C8A: variants seen among roughly 807,000 people sequenced by gnomAD.
C8A encodes complement C8 alpha chain, also known as complement component C8 alpha chain.
In C8A, 67 loss-of-function variants were observed where a neutral mutation model predicts 65.3. The ratio of observed to expected loss-of-function variants is 1.03; its 90% CI spans 0.84 to 1.26. The LOEUF (loss-of-function observed/expected upper bound fraction) is 1.26. Ranked by LOEUF, C8A falls within the 50% of genes most tolerant of loss-of-function variation. The probability of loss-of-function intolerance (pLI) is 0.00; values close to 1 mark genes in which losing one functional copy is unlikely to be tolerated. For synonymous variants in C8A, 290 were observed against 259.4 expected (o/e 1.12, Z -1.13); for missense variants, 781 against 723.9 (o/e 1.08, Z -0.90).
At chr1:56,867,751 AT>A in intron 2 of C8A, 49 bp downstream of exon 2, 1 of 1,346,450 alleles carries the variant, frequency 7.4e-7, no homozygotes, top group Non-Finnish European at 1.1e-6. Context: ...TGATATGTGT[AT>A]TAGGCATTCA....
intron 7 of C8A, among the ~76,000 whole-genome samples, chr1:56,894,777 T>C (rs6699859): frequency 0.75 from 113,580 of 152,046 alleles, 43,252 homozygotes; most frequent in East Asian, 1. Context: ...GATACCAAGA[T>C]GCTTAATACA....
intron 7 of C8A, among the ~76,000 whole-genome samples, chr1:56,897,004 A>C (rs1223853630): frequency 2.6e-5 from 4 of 152,210 alleles, no homozygotes; most frequent in Non-Finnish European, 5.9e-5. Context: ...CCAAGGTGAC[A>C]CAGCTGGTCA....
intron 7 of C8A, among the ~76,000 whole-genome samples, chr1:56,903,683 C>A (rs547123898): frequency 6.6e-5 from 10 of 152,264 alleles, no homozygotes; most frequent in Non-Finnish European, 1.5e-4. Flanking sequence ...AGACAGGATG[C>A]CAGAGTCCTG....
Position 56,861,160 on chromosome 1 carries a change from T to A in C8A, c.77+6182T>A, listed in dbSNP as rs144461998. On this transcript the variant is annotated intron_variant, in intron 1 of 10. Coordinates refer to ENST00000361249, the MANE Select transcript of C8A (RefSeq NM_000562.3). ...TGTGTTTTATTGAGCACCTATTATATGCCAGGTACTGTTCTGGGCCCTGGG... is the reference window on the plus strand; with the variant it reads ...TGTGTTTTATTGAGCACCTATTATAAGCCAGGTACTGTTCTGGGCCCTGGG... Among the ~76,000 whole-genome samples, 1,285 of 152,312 alleles carry A rather than the reference T, an allele frequency of 8.4e-3. 11 individuals are homozygous for A. The highest frequency in any genetic ancestry group is 0.023 in the African/African-American group (936 of 41,562).
chr1:56,870,325 A>G (rs916949001), intron 2 of C8A, among the ~76,000 whole-genome samples: 1 of 152,114 alleles, frequency 6.6e-6, no homozygotes, highest in Non-Finnish European at 1.5e-5. Context: ...AAAAACTGCA[A>G]TTACTTTTGC....
intron 7 of C8A, among the ~76,000 whole-genome samples, chr1:56,896,415 A>C (rs1482031848): frequency 6.6e-6 from 1 of 151,966 alleles, no homozygotes; most frequent in Non-Finnish European, 1.5e-5. Flanking sequence ...CAGGCTTGAG[A>C]CCCTGGAAGA....
At position 56,907,946 on chromosome 1, in the gene C8A, T is replaced by C. The variant is rs762552990; in HGVS notation, c.1223-10T>C. On this transcript the variant is annotated splice_polypyrimidine_tract_variant and intron_variant, in intron 8 of 10. Coordinates refer to ENST00000361249, the MANE Select transcript of C8A (RefSeq NM_000562.3). ...AAATGAGTTAATGCAGTTTATCCTC[T>C]TGATGGCAGAAAGGGCCAGGAAGGC... is the stretch of plus-strand genomic sequence containing the variant. 6.2e-7 allele frequency: 1 copy of C among 1,614,150 alleles called. No homozygotes were observed. Among genetic ancestry groups the C allele is most frequent in the Non-Finnish European group, 8.5e-7 (1 of 1,180,004 alleles).
At chr1:56,859,563 T>A (rs1379565807) in intron 1 of C8A, among the ~76,000 whole-genome samples, 1 of 152,222 alleles carries the variant, frequency 6.6e-6, no homozygotes, top group Non-Finnish European at 1.5e-5. Context: ...GCCCAGTACA[T>A]GCTTGGAACT....
intron 4 of C8A, among the ~76,000 whole-genome samples, chr1:56,876,587 G>T (rs1265012304): frequency 1.3e-5 from 2 of 151,884 alleles, no homozygotes; most frequent in African/African-American, 2.4e-5. Context: ...TTCCCAATCT[G>T]CTTTGCACTG....
intron 1 of C8A, among the ~76,000 whole-genome samples, chr1:56,862,643 A>G (rs566198419): frequency 1.3e-4 from 20 of 152,246 alleles, no homozygotes; most frequent in Middle Eastern, 3.4e-3. Context: ...TCTACAGACT[A>G]AAAAACTAAA....
At chr1:56,893,805 A>G (rs1014446090) in intron 7 of C8A, among the ~76,000 whole-genome samples, 1 of 152,140 alleles carries the variant, frequency 6.6e-6, no homozygotes, top group South Asian at 2.1e-4. Context: ...ATAAATTTCA[A>G]TTGCTGAAGT....
At chr1:56,860,610 A>G (rs913715130) in intron 1 of C8A, among the ~76,000 whole-genome samples, 91 of 152,166 alleles carry the variant, frequency 6.0e-4, no homozygotes, top group African/African-American at 2.1e-3. Context: ...CTTAAAAGAG[A>G]AAATGAAGAG....
In C8A at chr1:56,874,958, C is replaced by T. The variant is rs148302150; in HGVS notation, c.181C>T (p.Arg61Trp). 32 of 1,613,456 alleles carry T rather than the reference C, an allele frequency of 2.0e-5. No homozygotes were observed. The highest frequency in any genetic ancestry group is 1.7e-4 in the Middle Eastern group (1 of 6,054). Residue 61 changes from arginine to tryptophan, a missense_variant, in exon 3 of 11, where the codon CGG (arginine) becomes TGG (tryptophan). Transcript: ENST00000361249. The stretch of plus-strand genomic sequence containing the variant: ...TCAAAATCTGGTTTAGTACCGACAC[C>T]GGAGCCTCTTGCAGCCAAACAAGTT... Reference protein sequence around the residue: ...FPCQDKKYRHRSLLQPNKFGG... With the variant: ...FPCQDKKYRHWSLLQPNKFGG...
chr1:56,888,242 T>C (rs776927092), intron 7 of C8A, among the ~76,000 whole-genome samples: 2 of 152,200 alleles, frequency 1.3e-5, no homozygotes, highest in Non-Finnish European at 2.9e-5. Context: ...CAGGGGTTAA[T>C]ACATAGTGTT....
At chr1:56,907,828 A>C (rs1644477635) in intron 8 of C8A, 128 bp from the exon 9 acceptor site, 2 of 624,500 alleles carry the variant, frequency 3.2e-6, no homozygotes, top group African/African-American at 4.2e-5. Context: ...AACCAAGAAG[A>C]GAAGAAGAAT....
rs1281016352 is a variant in C8A, at chr1:56,883,627, A to G, written c.801A>G (p.Val267=). 2 of 1,613,942 alleles carry G rather than the reference A, an allele frequency of 1.2e-6. No homozygotes were observed. Among genetic ancestry groups the G allele is most frequent in the South Asian group, 1.1e-5 (1 of 91,076 alleles). Residue 267 remains valine (V), a synonymous_variant, in exon 6 of 11, where the codon GTA becomes GTG. Transcript: ENST00000361249. ...GCCCTTTATTGGTGGGTGTAGGTGT[A>G]TCCCACTCACAAGACACTTCATTCT... ...AGSPLLVGVG[V]SHSQDTSFLN... is the part of the protein sequence containing the mutation.
At position 56,906,718 on chromosome 1, in the gene C8A, A is replaced by G. The variant is rs762282260; in HGVS notation, c.1148A>G (p.Gln383Arg). Reference protein sequence around the residue: ...TTCFGGSLGIQYEDKINVGGG... With the variant: ...TTCFGGSLGIRYEDKINVGGG... ...TGTTTTGGAGGCTCCTTGGGCATTC[A>G]ATATGAAGACAAAATAAATGTTGGT... The change falls in exon 8 of 11, where the codon CAA becomes CGA. Residue 383 changes from glutamine to arginine, a missense_variant. Coordinates refer to ENST00000361249, the MANE Select transcript of C8A (RefSeq NM_000562.3). The G allele has an allele frequency of 5.0e-6, 8 of 1,613,974 alleles. No individual in the cohort carries two copies. The highest frequency in any genetic ancestry group is 2.2e-5 in the South Asian group (2 of 91,086).
At chr1:56,862,386 T>G (rs1644042853) in intron 1 of C8A, among the ~76,000 whole-genome samples, 1 of 152,198 alleles carries the variant, frequency 6.6e-6, no homozygotes, top group African/African-American at 2.4e-5. Flanking sequence ...GGCCTGTGTT[T>G]CCTCACAAAA....
chr1:56,864,051 A>G (rs1248653059), intron 1 of C8A, among the ~76,000 whole-genome samples: 1 of 152,226 alleles, frequency 6.6e-6, no homozygotes, highest in Non-Finnish European at 1.5e-5. Context: ...AGAGCCTAGA[A>G]TCTGGTAGAG....
Sources: allele counts gnomAD v4.1 joint callset (sites outside exome capture counted in the v4.1 genomes callset), GRCh38; gene constraint gnomAD v4.1.1; transcripts MANE v1.5; gene names NCBI Gene and HGNC (gene_info 2026-07-23, HGNC 2026-07-21).